NTNG1: variants seen among roughly 807,000 people sequenced by gnomAD.
NTNG1 encodes netrin-G1.
NTNG1 carries 16 observed loss-of-function variants against 54.0 expected under a neutral mutation model. The observed-to-expected ratio is 0.30, with a 90% confidence interval of 0.20 to 0.45. The LOEUF (loss-of-function observed/expected upper bound fraction) is 0.45, where lower values mean the gene tolerates loss of function less well. Ranked by LOEUF, NTNG1 falls within the 20% of genes least tolerant of loss-of-function variation. NTNG1 has a pLI of 1.00. For missense variants in NTNG1, 530 were observed against 678.7 expected (o/e 0.78, Z 2.43); for synonymous variants, 255 against 263.1 (o/e 0.97, Z 0.30).
chr1:107,390,032 T>C (rs1187785867), intron 3 of NTNG1, among the ~76,000 whole-genome samples: 2 of 152,168 alleles, frequency 1.3e-5, no homozygotes, highest in Non-Finnish European at 2.9e-5. Context: ...TTTTTGTTTT[T>C]TTGTTTTTTT....
intron 4 of NTNG1, among the ~76,000 whole-genome samples, chr1:107,402,406 T>G (rs529461344): frequency 6.6e-6 from 1 of 152,162 alleles, no homozygotes. Context: ...TGTCACCATA[T>G]GTGTCAGGAT....
chr1:107,234,222 A>G (rs868703418), intron 2 of NTNG1, among the ~76,000 whole-genome samples: 26 of 152,280 alleles, frequency 1.7e-4, no homozygotes, highest in Non-Finnish European at 2.6e-4. Flanking sequence ...TCCTGGGTTC[A>G]AGCGATTTTC....
intron 7 of NTNG1, among the ~76,000 whole-genome samples, chr1:107,464,016 A>G (rs529506679): frequency 2.0e-5 from 3 of 152,344 alleles, no homozygotes; most frequent in Non-Finnish European, 4.4e-5. Flanking sequence ...AATTAGTGGC[A>G]GTTAGGATGA....
At chr1:107,380,577 A>T (rs1169684317) in intron 3 of NTNG1, among the ~76,000 whole-genome samples, 2 of 152,230 alleles carry the variant, frequency 1.3e-5, no homozygotes, top group Non-Finnish European at 2.9e-5. Flanking sequence ...GCATGTTTAA[A>T]CATGAAGTAG....
chr1:107,391,980 G>T (rs771533669), intron 3 of NTNG1, among the ~76,000 whole-genome samples: 2 of 152,142 alleles, frequency 1.3e-5, no homozygotes, highest in Non-Finnish European at 2.9e-5. Context: ...AAAAGGAGAG[G>T]GATACATCAT....
intron 3 of NTNG1, among the ~76,000 whole-genome samples, chr1:107,381,725 T>G (rs937354365): frequency 2.6e-5 from 4 of 152,192 alleles, no homozygotes; most frequent in African/African-American, 9.6e-5. Context: ...AAATAGAGAT[T>G]ATTTGGCTTA....
chr1:107,436,520 G>A (rs891443149), intron 6 of NTNG1, 145 bp from the exon 7 acceptor site: 5 of 571,340 alleles, frequency 8.8e-6, no homozygotes, highest in African/African-American at 1.9e-5. Context: ...AAATGGTTGT[G>A]AAATAGCCAT....
intron 2 of NTNG1, among the ~76,000 whole-genome samples, chr1:107,249,225 C>T (rs574457125): frequency 4.6e-5 from 7 of 151,418 alleles, no homozygotes; most frequent in Non-Finnish European, 1.0e-4. Flanking sequence ...GTGGCTCACA[C>T]CTGTAATCCC....
Position 107,188,048 on chromosome 1 carries a change from GA to G in NTNG1, c.246+39211del, listed in dbSNP as rs1169469893. On this transcript the variant is annotated intron_variant, in intron 2 of 7. Transcript: ENST00000370068. ...GTTACTTACCTCTGTGTGTAATCGGGAATGGCATAGGCATTTTTTTTTGACA... is the reference window on the plus strand; with the variant it reads ...GTTACTTACCTCTGTGTGTAATCGGGATGGCATAGGCATTTTTTTTTGACA... 3.5e-5 allele frequency among the ~76,000 whole-genome samples: 3 copies of G among 85,718 alleles called. 1 individual carries two copies. The highest frequency in any genetic ancestry group is 7.8e-5 in the Non-Finnish European group (3 of 38,328). The allele number at this position is 85,718 out of a possible 152,430, so 56.2% of individuals were successfully genotyped here.
chr1:107,355,745 C>T (rs1570751720), intron 3 of NTNG1, among the ~76,000 whole-genome samples: 1 of 152,066 alleles, frequency 6.6e-6, no homozygotes, highest in Admixed American at 6.6e-5. Flanking sequence ...CTTGGGTTTC[C>T]TTCTTTATTT....
At chr1:107,246,110 G>C (rs918277710) in intron 2 of NTNG1, among the ~76,000 whole-genome samples, 1 of 152,084 alleles carries the variant, frequency 6.6e-6, no homozygotes, top group Non-Finnish European at 1.5e-5. Context: ...GGAGTACAGT[G>C]GTGTGATCTC....
At position 107,190,599 on chromosome 1, in the gene NTNG1, C is replaced by G. The variant is rs182802986; in HGVS notation, c.246+41760C>G. The stretch of plus-strand genomic sequence containing the variant: ...CACTCCCCCCACCCCATAACAGGCC[C>G]CGGTGTGTGATGTTCCCCTTCCTGT... On this transcript the variant is annotated intron_variant, in intron 2 of 7. Transcript: ENST00000370068. 2.9e-3 allele frequency among the ~76,000 whole-genome samples: 444 copies of G among 152,154 alleles called. 2 individuals are homozygous for G. The highest frequency in any genetic ancestry group is 9.1e-3 in the African/African-American group (377 of 41,508).
At chr1:107,225,238 A>G (rs1217201427) in intron 2 of NTNG1, among the ~76,000 whole-genome samples, 2 of 152,244 alleles carry the variant, frequency 1.3e-5, no homozygotes, top group African/African-American at 4.8e-5. Flanking sequence ...TAAGAACATG[A>G]TTTTGGATAG....
intron 2 of NTNG1, among the ~76,000 whole-genome samples, chr1:107,149,616 T>C (rs2101017024): frequency 6.6e-6 from 1 of 152,294 alleles, no homozygotes; most frequent in East Asian, 1.9e-4. Context: ...GAAAGTTAAA[T>C]ACCATGTGAA....
At chr1:107,432,682 A>G (rs1486025462) in intron 6 of NTNG1, among the ~76,000 whole-genome samples, 4 of 152,182 alleles carry the variant, frequency 2.6e-5, no homozygotes, top group Admixed American at 2.6e-4. Context: ...TAAAATAAAT[A>G]GGAACACAGG....
intron 3 of NTNG1, among the ~76,000 whole-genome samples, chr1:107,332,254 A>T (rs1443913043): frequency 6.6e-6 from 1 of 152,142 alleles, no homozygotes; most frequent in Non-Finnish European, 1.5e-5. Context: ...AGCATGCAGA[A>T]AAACAATCCG....
chr1:107,350,181 T>G (rs1363907376), intron 3 of NTNG1, among the ~76,000 whole-genome samples: 2 of 152,162 alleles, frequency 1.3e-5, no homozygotes, highest in East Asian at 3.9e-4. Context: ...TCATTCTTGT[T>G]TCTTATATTG....
intron 3 of NTNG1, among the ~76,000 whole-genome samples, chr1:107,372,726 A>G (rs938948352): frequency 2.0e-5 from 3 of 152,096 alleles, no homozygotes; most frequent in Admixed American, 1.3e-4. Flanking sequence ...TGTTCTATCA[A>G]TTACTGAGAA....
chr1:107,308,629 A>G (rs1209114561), intron 2 of NTNG1, among the ~76,000 whole-genome samples: 1 of 152,200 alleles, frequency 6.6e-6, no homozygotes, highest in Admixed American at 6.6e-5. Context: ...TGCTTTGGCT[A>G]TTTAGGCTGT....
Sources: gnomAD v4.1 joint callset for allele counts (sites outside exome capture counted in the v4.1 genomes callset) on GRCh38, gnomAD v4.1.1 for gene constraint, MANE v1.5 for transcripts, NCBI Gene and HGNC (gene_info 2026-07-23, HGNC 2026-07-21) for gene names.